The following GABBR2 variants were observed in gnomAD, a reference collection of about 807,000 sequenced individuals.
GABBR2 encodes gamma-aminobutyric acid type B receptor subunit 2.
GABBR2 carries 23 observed loss-of-function variants against 105.6 expected under a neutral mutation model. The ratio of observed to expected loss-of-function variants is 0.22; its 90% confidence interval spans 0.16 to 0.31. The LOEUF is 0.31. GABBR2 is among the 10% of genes least tolerant of loss of function. The pLI is 1.00. For missense variants in GABBR2, 734 were observed against 1,245.5 expected, an observed-to-expected ratio of 0.59 and a Z score of 6.18; for synonymous variants, 478 against 499.7, an observed-to-expected ratio of 0.96 and a Z score of 0.58.
intron 2 of GABBR2, among the ~76,000 whole-genome samples, chr9:98,568,785 GTTCCTTC>G (rs1803792542): frequency 6.6e-6 from 1 of 152,140 alleles, no homozygotes; most frequent in African/African-American, 2.4e-5. Flanking sequence ...CCTTCTGTGG[GTTCCTTC>G]TTCCTTCTAC....
chr9:98,475,281 C>G (rs1389646798), intron 5 of GABBR2, among the ~76,000 whole-genome samples: 1 of 151,692 alleles, frequency 6.6e-6, no homozygotes, highest in Non-Finnish European at 1.5e-5. Context: ...AAAATCCCAG[C>G]TGAAGAAAAG....
chr9:98,378,728 T>G (rs920140185), intron 11 of GABBR2, among the ~76,000 whole-genome samples: 2 of 151,910 alleles, frequency 1.3e-5, no homozygotes, highest in African/African-American at 4.8e-5. Context: ...GGCCACCCTT[T>G]GGCAAGGGGA....
At chr9:98,693,281 CAG>C (rs1036909386) in intron 1 of GABBR2, among the ~76,000 whole-genome samples, 15 of 152,352 alleles carry the variant, frequency 9.8e-5, no homozygotes, top group Admixed American at 9.1e-4. Flanking sequence ...AGGGCCAAAA[CAG>C]AAAGTGAGGG....
At chr9:98,473,704 A>G (rs1439996580) in intron 5 of GABBR2, among the ~76,000 whole-genome samples, 1 of 152,232 alleles carries the variant, frequency 6.6e-6, no homozygotes, top group Non-Finnish European at 1.5e-5. Flanking sequence ...GAAAAGGGCA[A>G]CAAGGTTATT....
At chr9:98,638,732 C>A (rs916380463) in intron 1 of GABBR2, among the ~76,000 whole-genome samples, 4 of 152,076 alleles carry the variant, frequency 2.6e-5, no homozygotes, top group Admixed American at 2.0e-4. Flanking sequence ...AAGGAATGCC[C>A]CAAACCTGTG....
chr9:98,446,202 T>C (rs1826125528), intron 7 of GABBR2, among the ~76,000 whole-genome samples: 1 of 152,204 alleles, frequency 6.6e-6, no homozygotes, highest in Non-Finnish European at 1.5e-5. Flanking sequence ...GCAATGATTG[T>C]TTGCTGGGTC....
chr9:98,288,261 G>A lies in GABBR2; in HGVS notation c.*2323C>T, dbSNP rs1253328523. On this transcript the variant is annotated 3_prime_UTR_variant, in exon 19 of 19. Coordinates refer to ENST00000259455, the MANE Select transcript of GABBR2 (RefSeq NM_005458.8). ...CATTGGAAAATGCCTTCAGGCCGAA[G>A]CCTCTTCAGAAATGGACGGTGTGTT... 6.6e-6 allele frequency: 1 copy of A among 152,640 alleles called. No individual in the cohort carries two copies. The highest frequency in any genetic ancestry group is 1.5e-5 in the Non-Finnish European group (1 of 68,046). The allele number at this position is 152,640 out of a possible 1,614,324, so 9.5% of individuals were successfully genotyped here.
intron 13 of GABBR2, among the ~76,000 whole-genome samples, chr9:98,350,913 G>A (rs1352617719): frequency 6.6e-6 from 1 of 151,982 alleles, no homozygotes; most frequent in Non-Finnish European, 1.5e-5. Flanking sequence ...ATATATCTGG[G>A]TGCTCTGGCA....
chr9:98,392,118 G>A (rs1266100177), intron 9 of GABBR2, among the ~76,000 whole-genome samples: 2 of 152,064 alleles, frequency 1.3e-5, no homozygotes, highest in Admixed American at 1.3e-4. Flanking sequence ...CTGGCACAGC[G>A]GCTTCCTGTG....
intron 12 of GABBR2, among the ~76,000 whole-genome samples, chr9:98,366,707 G>C (rs1300382254): frequency 6.6e-6 from 1 of 152,206 alleles, no homozygotes; most frequent in Admixed American, 6.5e-5. Context: ...GAGCTCTCCT[G>C]TCGTCTTTAG....
intron 13 of GABBR2, among the ~76,000 whole-genome samples, chr9:98,334,622 TA>T (rs1831083091): frequency 8.5e-6 from 1 of 117,092 alleles, no homozygotes; most frequent in Non-Finnish European, 1.6e-5. Flanking sequence ...GGAGTTGGGG[TA>T]CCAGTCCAGA....
chr9:98,527,293 T>G (rs1827980173), intron 3 of GABBR2, among the ~76,000 whole-genome samples: 1 of 151,884 alleles, frequency 6.6e-6, no homozygotes, highest in African/African-American at 2.4e-5. Flanking sequence ...AGCTGGCAAG[T>G]AGCTGAGTTG....
chr9:98,313,787 G>A (rs1191549984), intron 13 of GABBR2, among the ~76,000 whole-genome samples: 2 of 152,184 alleles, frequency 1.3e-5, no homozygotes, highest in East Asian at 1.9e-4. Context: ...GGGACCCAGG[G>A]GTAGAAGGCA....
At chr9:98,509,271 C>T (rs969803462) in intron 3 of GABBR2, among the ~76,000 whole-genome samples, 63 of 152,154 alleles carry the variant, frequency 4.1e-4, no homozygotes, top group Middle Eastern at 3.4e-3. Flanking sequence ...CCCATCTGTA[C>T]GTCACCATCA....
chr9:98,535,640 G>A (rs1828162045), intron 3 of GABBR2, among the ~76,000 whole-genome samples: 1 of 152,026 alleles, frequency 6.6e-6, no homozygotes, highest in Admixed American at 6.6e-5. Flanking sequence ...GGTACCCATG[G>A]GGGTCTGGGA....
chr9:98,351,434 T>C lies in GABBR2; in HGVS notation c.1893+11281A>G, dbSNP rs545549827. On this transcript the variant is annotated intron_variant, in intron 13 of 18. Coordinates refer to ENST00000259455, the MANE Select transcript of GABBR2 (RefSeq NM_005458.8). Reference sequence around the variant, plus strand: ...TACCAGTGAGTTATACTTTTGTGTGTTTTCATGAAGGCAGATACCATCCTT... The same window carrying C: ...TACCAGTGAGTTATACTTTTGTGTGCTTTCATGAAGGCAGATACCATCCTT... 2.0e-5 allele frequency among the ~76,000 whole-genome samples: 3 copies of C among 152,342 alleles called. No homozygotes were observed. In the South Asian group the frequency reaches 6.2e-4, roughly 32 times the overall value.
intron 7 of GABBR2, among the ~76,000 whole-genome samples, chr9:98,439,414 G>A (rs1280622494): frequency 6.6e-6 from 1 of 152,198 alleles, no homozygotes; most frequent in Non-Finnish European, 1.5e-5. Context: ...AGTCAGCAAA[G>A]TCTTCCAAAG....
At chr9:98,696,334 G>A in intron 1 of GABBR2, among the ~76,000 whole-genome samples, 1 of 152,222 alleles carries the variant, frequency 6.6e-6, no homozygotes, top group East Asian at 1.9e-4. Context: ...GAGGGAGAGT[G>A]CTCAGCAGCA....
chr9:98,442,796 C>A (rs906596191), intron 7 of GABBR2, among the ~76,000 whole-genome samples: 1 of 152,222 alleles, frequency 6.6e-6, no homozygotes, highest in Non-Finnish European at 1.5e-5. Flanking sequence ...CTGGCAATCA[C>A]TGACACTGCT....
Sources: gnomAD v4.1 joint callset for allele counts (sites outside exome capture counted in the v4.1 genomes callset) on GRCh38, gnomAD v4.1.1 for gene constraint, MANE v1.5 for transcripts, NCBI Gene and HGNC (gene_info 2026-07-23, HGNC 2026-07-21) for gene names.